Variants in NLRC5 observed in about 807,000 individuals in gnomAD.
NLRC5 encodes protein NLRC5.
A neutral mutation model predicts 206.9 loss-of-function variants in NLRC5; 114 were observed. That is an observed-to-expected ratio of 0.55 (90% CI 0.47 to 0.64). The LOEUF (loss-of-function observed/expected upper bound fraction) is 0.64. NLRC5 is among the 30% of genes least tolerant of loss of function. NLRC5 has a pLI of 0.00. For synonymous variants in NLRC5, 952 were observed against 962.8 expected, an observed-to-expected ratio of 0.99 and a Z score of 0.21; for missense variants, 2,008 against 2,305.5, an observed-to-expected ratio of 0.87 and a Z score of 2.64.
At position 57,078,466 on chromosome 16, in the gene NLRC5, G is replaced by GTTTT. The variant is rs71383218; in HGVS notation, c.5081+467_5081+470dup. ...CAGAGTCCCAGAGTGCTGGGACCTT[G>GTTTT]TTTTTTTTTTTTTTTTTTTTTTTTA... On this transcript the variant is annotated intron_variant, in intron 43 of 48. Transcript: ENST00000688547. Among the ~76,000 whole-genome samples, 428 of 92,204 alleles carry GTTTT rather than the reference G, an allele frequency of 4.6e-3. 31 individuals are homozygous for GTTTT. The highest frequency in any genetic ancestry group is 0.02 in the African/African-American group (405 of 20,062). The allele number at this position is 92,204 out of a possible 152,430, so 60.5% of individuals were successfully genotyped here. A position where few individuals can be genotyped will look rare whatever the true frequency, so the allele number is the denominator to read the frequency against.
chr16:57,082,496 G>C lies in NLRC5; in HGVS notation c.5569G>C (p.Asp1857His). The change falls in exon 49 of 49, where the codon GAC (aspartate) becomes CAC (histidine). Residue 1857 changes from aspartate to histidine, a missense_variant. Coordinates refer to ENST00000688547, the MANE Select transcript of NLRC5 (RefSeq NM_001384950.1). Reference protein sequence around the residue: ...QEPRLDFAFFDNQPQAPWGT With the variant: ...QEPRLDFAFFHNQPQAPWGT ...GCCCAGGCTGGACTTTGCCTTCTTT[G>C]ACAACCAGCCCCAGGCCCCTTGGGG... 2 of 1,613,786 alleles carry C rather than the reference G, an allele frequency of 1.2e-6. No individual in the cohort carries two copies. Among genetic ancestry groups the C allele is most frequent in the South Asian group, 2.2e-5 (2 of 90,980 alleles).
At chr16:57,029,722 G>A (rs1275786442) in intron 8 of NLRC5, 51 bp from the exon 9 acceptor site, 2 of 1,520,900 alleles carry the variant, frequency 1.3e-6, no homozygotes, top group East Asian at 2.3e-5. Context: ...ACTGGGGCTT[G>A]CAAGTGCCCC....
rs1326461639 is a variant in NLRC5 at position 57,081,137 on chromosome 16, G to C, written c.5361G>C (p.Glu1787Asp). The C allele has an allele frequency of 7.8e-6, 12 of 1,546,350 alleles. No homozygotes were observed. Among genetic ancestry groups the C allele is most frequent in the East Asian group, 2.4e-5 (1 of 41,170 alleles). ...WNLLGDEAAA[E>D]LAQVLPQMGR... ...TCCTCGGGGATGAGGCAGCTGCCGA[G>C]CTGGCCCAGGTGCTGCCGCAGATGG... Residue 1787 changes from glutamate to aspartate, a missense_variant, in exon 47 of 49, where the codon GAG becomes GAC. By Grantham distance (45) the Glu-to-Asp change is conservative. Transcript: ENST00000688547.
intron 1 of NLRC5, chr16:56,991,902 T>A (rs1371364129): frequency 1.3e-5 from 2 of 152,162 alleles, no homozygotes; most frequent in Non-Finnish European, 2.9e-5. Context: ...AACGTGACCT[T>A]ATTTGGAAAT....
At chr16:57,023,307 T>G (rs2060880355) in intron 4 of NLRC5, among the ~76,000 whole-genome samples, 1 of 152,134 alleles carries the variant, frequency 6.6e-6, no homozygotes, top group Non-Finnish European at 1.5e-5. Context: ...GAGACAAGAC[T>G]CCAGAAACTA....
At chr16:57,009,136 CA>C (rs1206716545) in intron 1 of NLRC5, among the ~76,000 whole-genome samples, 1 of 151,340 alleles carries the variant, frequency 6.6e-6, no homozygotes, top group Non-Finnish European at 1.5e-5. Context: ...ACCAAAAATA[CA>C]AAAATTAGCT....
intron 39 of NLRC5, 35 bp downstream of exon 39, chr16:57,074,718 G>A (rs1266618143): frequency 1.1e-5 from 18 of 1,592,734 alleles, no homozygotes; most frequent in Admixed American, 1.7e-5. Flanking sequence ...GAATGAGTGG[G>A]AAGAAACACT....
chr16:57,031,469 A>G lies in NLRC5; in HGVS notation c.2477+6A>G. ...ACAACTGCAGAGCTACAAAGGTAAG[A>G]AGCCAAGAGGCGGTGGGCCTGGGGC... On this transcript the variant is annotated splice_donor_region_variant and intron_variant, in intron 11 of 48. Coordinates refer to ENST00000688547, the MANE Select transcript of NLRC5 (RefSeq NM_001384950.1). 1 of 1,613,812 alleles carries G rather than the reference A, an allele frequency of 6.2e-7. No individual in the cohort carries two copies. Among genetic ancestry groups the G allele is most frequent in the Non-Finnish European group, 8.5e-7 (1 of 1,179,950 alleles).
At chr16:57,065,170 C>T in intron 32 of NLRC5, 42 bp from the exon 33 acceptor site, 1 of 1,370,824 alleles carries the variant, frequency 7.3e-7, no homozygotes, top group South Asian at 1.6e-5. Flanking sequence ...TTGTCTGCTG[C>T]TCACCTTGGG....
chr16:57,034,427 G>A, intron 13 of NLRC5, 176 bp downstream of exon 13: 1 of 612,838 alleles, frequency 1.6e-6, no homozygotes, highest in South Asian at 1.9e-5. Context: ...CGGGTCAGGT[G>A]CTGTGCTAGG....
intron 46 of NLRC5, 100 bp from the exon 47 acceptor site, chr16:57,080,998 C>A: frequency 9.5e-7 from 1 of 1,048,906 alleles, no homozygotes; most frequent in Non-Finnish European, 1.4e-6. Flanking sequence ...AAAACCCTTG[C>A]CCCCACGACT....
intron 20 of NLRC5, 46 bp downstream of exon 20, chr16:57,043,650 C>T: frequency 2.0e-6 from 3 of 1,473,722 alleles, no homozygotes; most frequent in Non-Finnish European, 2.9e-6. Context: ...TCCCCCATCC[C>T]ACAGGTCATC....
chr16:57,037,687 C>A (rs756624671), intron 15 of NLRC5, among the ~76,000 whole-genome samples: 2 of 152,110 alleles, frequency 1.3e-5, no homozygotes, highest in Non-Finnish European at 2.9e-5. Flanking sequence ...GAGAGCAGAC[C>A]GTCAGTTCAT....
At chr16:57,066,510 C>A (rs371630263) in intron 33 of NLRC5, 24 bp from the exon 34 acceptor site, 1 of 1,611,942 alleles carries the variant, frequency 6.2e-7, no homozygotes, top group Non-Finnish European at 8.5e-7. Context: ...CCCGACCTCA[C>A]GTTGGTTACT....
intron 19 of NLRC5, 82 bp from the exon 20 acceptor site, chr16:57,043,433 T>A: frequency 2.7e-4 from 244 of 916,192 alleles, no homozygotes; most frequent in Non-Finnish European, 4.0e-4. Flanking sequence ...CAGGGATCCC[T>A]CCCCCGCCCT....
At chr16:56,999,944 G>A (rs916002030) in intron 1 of NLRC5, among the ~76,000 whole-genome samples, 1 of 152,306 alleles carries the variant, frequency 6.6e-6, no homozygotes, top group East Asian at 1.9e-4. Context: ...GGAACCCCCC[G>A]GGAGCTTCCA....
chr16:57,016,729 T>C (rs780031022), intron 1 of NLRC5, among the ~76,000 whole-genome samples: 1 of 152,240 alleles, frequency 6.6e-6, no homozygotes, highest in Admixed American at 6.5e-5. Flanking sequence ...CATTTTCATC[T>C]GAATAAATGA....
chr16:57,058,209 C>A, intron 28 of NLRC5, 61 bp downstream of exon 28: 1 of 1,397,980 alleles, frequency 7.2e-7, no homozygotes, highest in Non-Finnish European at 1.0e-6. Flanking sequence ...AGGCCAAAAG[C>A]ATGATGGGGG....
At chr16:57,014,040 C>T (rs2059770197) in intron 1 of NLRC5, 2 of 307,018 alleles carry the variant, frequency 6.5e-6, no homozygotes, top group Non-Finnish European at 1.3e-5. Context: ...TCTTCTAAGC[C>T]TTCTTTAGCA....
Sources: allele counts gnomAD v4.1 joint callset (sites outside exome capture counted in the v4.1 genomes callset), GRCh38; gene constraint gnomAD v4.1.1; transcripts MANE v1.5; gene names NCBI Gene and HGNC (gene_info 2026-07-23, HGNC 2026-07-21).